CYRIA: variants seen among roughly 807,000 people sequenced by gnomAD.
CYRIA encodes the protein CYFIP related Rac1 interactor A.
A neutral mutation model predicts 43.9 loss-of-function variants in CYRIA; 15 were observed. The observed-to-expected ratio is 0.34, with a 90% CI of 0.23 to 0.53. CYRIA has a LOEUF of 0.53. Ranked by LOEUF, CYRIA falls within the 20% of genes least tolerant of loss-of-function variation. The pLI is 0.94. For synonymous variants in CYRIA, 117 were observed against 136.0 expected (o/e 0.86, Z 0.97); for missense variants, 236 against 394.2 (o/e 0.60, Z 3.40).
At chr2:16,611,085 G>A (rs1281853213) in intron 2 of CYRIA, among the ~76,000 whole-genome samples, 1 of 151,686 alleles carries the variant, frequency 6.6e-6, no homozygotes, top group East Asian at 1.9e-4. Context: ...CTAGGCCGGG[G>A]GCCGTGGCTC....
intron 1 of CYRIA, among the ~76,000 whole-genome samples, chr2:16,664,391 G>A (rs1670338984): frequency 6.6e-6 from 1 of 152,108 alleles, no homozygotes; most frequent in African/African-American, 2.4e-5. Context: ...ACAGGACAAC[G>A]GACCAATAAA....
At chr2:16,593,948 A>T (rs1370917913) in intron 2 of CYRIA, among the ~76,000 whole-genome samples, 2 of 121,510 alleles carry the variant, frequency 1.6e-5, no homozygotes, top group Non-Finnish European at 3.3e-5. Context: ...TCATTGTTCA[A>T]TTCCCACCTA....
chr2:16,647,702 C>T (rs147382354), intron 1 of CYRIA, among the ~76,000 whole-genome samples: 87 of 152,312 alleles, frequency 5.7e-4, no homozygotes, highest in African/African-American at 2.0e-3. Context: ...TGGGCTCTCC[C>T]CACTTTCTTT....
chr2:16,567,482 G>A (rs1477146506), intron 3 of CYRIA, among the ~76,000 whole-genome samples: 1 of 152,086 alleles, frequency 6.6e-6, no homozygotes, highest in South Asian at 2.1e-4. Context: ...ACGGCGAAGT[G>A]GGGCACTGGC....
At position 16,593,889 on chromosome 2, in the gene CYRIA, C is replaced by CA. The variant is rs534803314; in HGVS notation, c.-10-5761dup. On this transcript the variant is annotated intron_variant, in intron 2 of 11. Transcript: ENST00000381323. ...TATCCCTCCCCCCGACCCCCGACCC[C>CA]ACCACAGTCCCCAGAGTGTGATATT... 5.3e-3 allele frequency among the ~76,000 whole-genome samples: 752 copies of CA among 142,454 alleles called. 13 individuals carry two copies. The highest frequency in any genetic ancestry group is 0.019 in the African/African-American group (709 of 38,276). The allele number at this position is 142,454 out of a possible 152,430, so 93.5% of individuals were successfully genotyped here.
At chr2:16,591,795 T>C (rs1667940449) in intron 2 of CYRIA, among the ~76,000 whole-genome samples, 1 of 152,104 alleles carries the variant, frequency 6.6e-6, no homozygotes, top group Non-Finnish European at 1.5e-5. Flanking sequence ...AGGACTTTAA[T>C]CTGAGTATCT....
At chr2:16,654,140 G>A (rs906366234) in intron 1 of CYRIA, among the ~76,000 whole-genome samples, 4 of 152,176 alleles carry the variant, frequency 2.6e-5, no homozygotes, top group Non-Finnish European at 4.4e-5. Context: ...TCCAGGGCAA[G>A]GCAAAACCCC....
Position 16,588,063 on chromosome 2 carries a change from G to A in CYRIA, c.57C>T (p.Phe19=). 6.2e-7 allele frequency: 1 copy of A among 1,605,860 alleles called. No homozygotes were observed. The highest frequency in any genetic ancestry group is 8.5e-7 in the Non-Finnish European group (1 of 1,175,924). ...TTTGGAACTTACTTTCAAAATCCAG[G>A]AAAAAGTGTGGATAGTTTTCAATTT... The part of the protein sequence containing the change: ...TREIENYPHF[F]LDFENAQPTE... The change falls in exon 3 of 12, where the codon TTC becomes TTT. Residue 19 remains phenylalanine, a synonymous_variant. Coordinates refer to ENST00000381323, the MANE Select transcript of CYRIA (RefSeq NM_030797.4).
At chr2:16,566,453 T>A (rs1254463986) in intron 3 of CYRIA, among the ~76,000 whole-genome samples, 1 of 152,206 alleles carries the variant, frequency 6.6e-6, no homozygotes, top group African/African-American at 2.4e-5. Flanking sequence ...ACTAAAATCC[T>A]TCAAACCACG....
intron 1 of CYRIA, among the ~76,000 whole-genome samples, chr2:16,652,278 T>C (rs922001290): frequency 6.6e-6 from 1 of 152,180 alleles, no homozygotes; most frequent in African/African-American, 2.4e-5. Flanking sequence ...TATGAGCTAC[T>C]TGTCCCACCT....
intron 3 of CYRIA, among the ~76,000 whole-genome samples, chr2:16,587,372 G>A (rs1269457327): frequency 6.6e-6 from 1 of 152,112 alleles, no homozygotes; most frequent in Admixed American, 6.5e-5. Context: ...CTTTGTATGT[G>A]CTCAATAAAT....
intron 2 of CYRIA, among the ~76,000 whole-genome samples, chr2:16,605,527 C>T (rs915786124): frequency 2.0e-5 from 3 of 152,198 alleles, no homozygotes; most frequent in Non-Finnish European, 4.4e-5. Flanking sequence ...TACCCAGGCC[C>T]GTTCTGCCTA....
At chr2:16,644,067 C>A (rs1249900218) in intron 1 of CYRIA, among the ~76,000 whole-genome samples, 1 of 152,222 alleles carries the variant, frequency 6.6e-6, no homozygotes, top group East Asian at 1.9e-4. Flanking sequence ...GCCAGAGGTT[C>A]AGCTTCAACT....
intron 1 of CYRIA, among the ~76,000 whole-genome samples, chr2:16,651,408 T>C (rs186212734): frequency 1.3e-5 from 2 of 152,302 alleles, no homozygotes; most frequent in East Asian, 3.9e-4. Flanking sequence ...AATACTAATA[T>C]AAAATCAGGA....
rs144400972 is a variant in CYRIA, at chr2:16,636,582, G to A, written c.-166-12563C>T. On this transcript the variant is annotated intron_variant, in intron 1 of 11. Transcript: ENST00000381323. ...CTTTCAGCTAAATGCAGCTTTCTTG[G>A]TGTCCAGTGCTGAGTCACCTATCTA... Among the ~76,000 whole-genome samples the A allele has an allele frequency of 5.9e-5, 9 of 152,210 alleles. No homozygotes were observed. The East Asian group carries it at 1.6e-3, about 26-fold the overall frequency.
At chr2:16,579,640 C>G (rs1572475744) in intron 3 of CYRIA, among the ~76,000 whole-genome samples, 1 of 152,020 alleles carries the variant, frequency 6.6e-6, no homozygotes, top group South Asian at 2.1e-4. Flanking sequence ...AGGCAGATCA[C>G]AATCGTCTAT....
At chr2:16,660,477 C>A (rs747217035) in intron 1 of CYRIA, among the ~76,000 whole-genome samples, 4 of 152,194 alleles carry the variant, frequency 2.6e-5, no homozygotes, top group Admixed American at 2.0e-4. Flanking sequence ...GCACACTGCA[C>A]TTTGTAAAAC....
chr2:16,603,679 T>G (rs755088561), intron 2 of CYRIA, among the ~76,000 whole-genome samples: 1 of 152,212 alleles, frequency 6.6e-6, no homozygotes, highest in African/African-American at 2.4e-5. Context: ...CATAATTACA[T>G]ACGCTTTCTC....
rs963411626 is a variant in CYRIA, at chr2:16,593,634, G to T, written c.-10-5505C>A. Among the ~76,000 whole-genome samples the T allele has an allele frequency of 2.6e-4, 39 of 149,960 alleles. 1 individual carries two copies. Among genetic ancestry groups the T allele is most frequent in the Admixed American group, 2.5e-3 (38 of 15,070 alleles). On this transcript the variant is annotated intron_variant, in intron 2 of 11. Coordinates refer to ENST00000381323, the MANE Select transcript of CYRIA (RefSeq NM_030797.4). Reference sequence around the variant, plus strand: ...TGCTTTTAAAAATATGGATGGTGTGGTTACTCTTTTAGTAATACTTGGATT... The same window carrying T: ...TGCTTTTAAAAATATGGATGGTGTGTTTACTCTTTTAGTAATACTTGGATT...
Sources: gnomAD v4.1 joint callset for allele counts (sites outside exome capture counted in the v4.1 genomes callset) on GRCh38, gnomAD v4.1.1 for gene constraint, MANE v1.5 for transcripts, NCBI Gene and HGNC (gene_info 2026-07-23, HGNC 2026-07-21) for gene names.